The following TCIRG1 variants were observed in gnomAD, a reference collection of about 807,000 sequenced individuals.
The protein encoded by TCIRG1 is V-type proton ATPase 116 kDa subunit a 3.
In TCIRG1, 86 loss-of-function variants were observed where a neutral mutation model predicts 95.5. The observed-to-expected ratio is 0.90, with a 90% CI of 0.76 to 1.08. The LOEUF is 1.08. Among genes scored for constraint, TCIRG1 ranks in the 50% least tolerant of loss-of-function variants. The probability of loss-of-function intolerance (pLI) is 0.00; values close to 1 mark genes in which losing one functional copy is unlikely to be tolerated. For synonymous variants in TCIRG1, 499 were observed against 501.3 expected, an observed-to-expected ratio of 1.00 and a Z score of 0.06; for missense variants, 1,069 against 1,140.2, an observed-to-expected ratio of 0.94 and a Z score of 0.90.
intron 14 of TCIRG1, 26 bp downstream of exon 14, chr11:68,049,023 C>T (rs371083088): frequency 2.1e-5 from 34 of 1,612,704 alleles, no homozygotes; most frequent in South Asian, 3.3e-5. Flanking sequence ...GCCCGGGGGA[C>T]GGGAGGCTGG....
rs762940517 is a variant in TCIRG1, at chr11:68,050,511, T to C, written c.2261T>C (p.Met754Thr). The C allele has an allele frequency of 1.4e-5, 23 of 1,613,474 alleles. No individual in the cohort carries two copies. Among genetic ancestry groups the C allele is most frequent in the Admixed American group, 6.7e-5 (4 of 60,016 alleles). The change falls in exon 19 of 20, where the codon ATG (methionine) becomes ACG (threonine). Residue 754 changes from methionine (M) to threonine (T), a missense_variant. Coordinates refer to ENST00000265686, the MANE Select transcript of TCIRG1 (RefSeq NM_006019.4). Reference sequence around the variant, plus strand: ...GAGCTGTCCGAGGTTCTGTGGGCCATGGTGATGCGCATAGGCCTGGGCCTG... The same window carrying C: ...GAGCTGTCCGAGGTTCTGTGGGCCACGGTGATGCGCATAGGCCTGGGCCTG... ...HAQLSEVLWA[M>T]VMRIGLGLGR... is the part of the protein sequence containing the mutation.
chr11:68,041,665 G>T, intron 2 of TCIRG1, 88 bp from the exon 3 acceptor site: 1 of 1,144,238 alleles, frequency 8.7e-7, no homozygotes, highest in Admixed American at 2.0e-5. Flanking sequence ...GGCAGCTAAG[G>T]CCTGGGGAGA....
Position 68,050,005 on chromosome 11 carries a change from T to G in TCIRG1, c.2057T>G (p.Val686Gly), listed in dbSNP as rs1219714069. The G allele has an allele frequency of 4.3e-6, 7 of 1,613,044 alleles. No homozygotes were observed. The highest frequency in any genetic ancestry group is 8.5e-7 in the Non-Finnish European group (1 of 1,179,890). The change falls in exon 17 of 20, where the codon GTG (valine) becomes GGG (glycine). Residue 686 changes from valine to glycine, a missense_variant. Transcript: ENST00000265686. ...AGLLDLPDAS[V>G]NGWSSDEEKA... ...TTGCTGGACCTGCCTGACGCATCTG[T>G]GAATGGCTGGAGCTCCGATGAGGAA...
chr11:68,041,720 C>T (rs374307819), intron 2 of TCIRG1, 33 bp from the exon 3 acceptor site: 48 of 1,581,336 alleles, frequency 3.0e-5, no homozygotes, highest in African/African-American at 9.4e-5. Context: ...ACCCCCTTCC[C>T]GGGACACTCA....
chr11:68,051,041 GA>G, downstream of TCIRG1: 1 of 612,162 alleles, frequency 1.6e-6, no homozygotes, highest in Non-Finnish European at 2.9e-6. Flanking sequence ...AAAAGGGGCA[GA>G]AAAGGGCCAA....
rs139049989 is a variant in TCIRG1 at position 68,050,774 on chromosome 11, G to C, written c.2448G>C (p.Thr816=). Residue 816 remains threonine, a synonymous_variant, in exon 20 of 20, where the codon ACG becomes ACC. Transcript: ENST00000265686. ...TCCAGAACAAGTTCTACTCAGGCAC[G>C]GGCTACAAGCTGAGTCCCTTCACCT... ...VEFQNKFYSG[T]GYKLSPFTFA... 6.8e-6 allele frequency: 11 copies of C among 1,613,720 alleles called. No homozygotes were observed. In the Middle Eastern group the frequency reaches 8.2e-4, roughly 121 times the overall value.
Position 68,039,025 on chromosome 11 carries a change from A to G in TCIRG1, c.-99A>G, listed in dbSNP as rs993852798. ...GCCCGGAAAGGAGTGAGCGGCGCCTAGTCCCGGGCTGGCGGGAGTGCAGTT... is the reference window on the plus strand; with the variant it reads ...GCCCGGAAAGGAGTGAGCGGCGCCTGGTCCCGGGCTGGCGGGAGTGCAGTT... On this transcript the variant is annotated 5_prime_UTR_variant, in exon 1 of 20. Coordinates refer to ENST00000265686, the MANE Select transcript of TCIRG1 (RefSeq NM_006019.4). 1 of 152,172 alleles carries G rather than the reference A, an allele frequency of 6.6e-6. No individual in the cohort carries two copies. The allele number at this position is 152,172 out of a possible 1,614,324, so 9.4% of individuals were successfully genotyped here.
Position 68,044,175 on chromosome 11 carries a change from G to T in TCIRG1, c.851G>T (p.Arg284Leu). Reference sequence around the variant, plus strand: ...CGGTTCCTGAGCCAGGTGCTAGGCCGGGTGCTGCAGCTGCTGCCGCCAGGG... The same window carrying T: ...CGGTTCCTGAGCCAGGTGCTAGGCCTGGTGCTGCAGCTGCTGCCGCCAGGG... ...TERFLSQVLG[R>L]VLQLLPPGQV... Residue 284 changes from arginine (R) to leucine (L), a missense_variant, in exon 9 of 20, where the codon CGG becomes CTG. By Grantham distance (102) the Arg-to-Leu change is moderately radical (BLOSUM62 -2). Transcript: ENST00000265686. The T allele has an allele frequency of 1.3e-6, 2 of 1,553,770 alleles. No individual in the cohort carries two copies. Among genetic ancestry groups the T allele is most frequent in the East Asian group, 4.8e-5 (2 of 41,670 alleles).
intron 1 of TCIRG1, among the ~76,000 whole-genome samples, chr11:68,040,235 A>C (rs1327512157): frequency 6.6e-6 from 1 of 152,308 alleles, no homozygotes; most frequent in East Asian, 1.9e-4. Flanking sequence ...AGAGGGTGAG[A>C]GACTTGCCCA....
rs780311417 is a variant in TCIRG1 at position 68,050,177 on chromosome 11, CCAT to C, written c.2161_2163del (p.Ile721del). The C allele has an allele frequency of 3.1e-6, 5 of 1,613,712 alleles. No individual in the cohort carries two copies. Among genetic ancestry groups the C allele is most frequent in the African/African-American group, 1.3e-5 (1 of 75,058 alleles). On this transcript the variant is annotated inframe_deletion, in exon 18 of 20. Transcript: ENST00000265686. ...GTGCTCATGCACCAGGCCATCCACA[CCAT>C]CGAGTTCTGCCTGGGCTGCGTCTCC...
In TCIRG1 at chr11:68,050,168, C is replaced by G; in HGVS notation, c.2150C>G (p.Ala717Gly). The stretch of plus-strand genomic sequence containing the variant: ...CCCTCCGAGGTGCTCATGCACCAGG[C>G]CATCCACACCATCGAGTTCTGCCTG... ...LVPSEVLMHQAIHTIEFCLGC... is the reference protein window; with the variant it reads ...LVPSEVLMHQGIHTIEFCLGC... The change falls in exon 18 of 20, where the codon GCC becomes GGC. Residue 717 changes from alanine to glycine, a missense_variant. Physicochemically the swap from Ala to Gly is moderately conservative, Grantham distance 60 (BLOSUM62 0). Coordinates refer to ENST00000265686, the MANE Select transcript of TCIRG1 (RefSeq NM_006019.4). 1 of 1,613,584 alleles carries G rather than the reference C, an allele frequency of 6.2e-7. No homozygotes were observed. The highest frequency in any genetic ancestry group is 8.5e-7 in the Non-Finnish European group (1 of 1,179,916).
chr11:68,050,403 G>A, intron 18 of TCIRG1, 84 bp from the exon 19 acceptor site: 1 of 1,610,016 alleles, frequency 6.2e-7, no homozygotes, highest in Non-Finnish European at 8.5e-7. Flanking sequence ...CCCCGTGCAG[G>A]GAGGGCTTCA....
At chr11:68,044,830 A>G in intron 9 of TCIRG1, 128 bp from the exon 10 acceptor site, 2 of 1,176,700 alleles carry the variant, frequency 1.7e-6, no homozygotes, top group African/African-American at 1.5e-5. Context: ...CTCACGTCAG[A>G]GAGAGGGGAA....
chr11:68,040,616 G>A (rs1855110539), intron 1 of TCIRG1, among the ~76,000 whole-genome samples: 1 of 152,176 alleles, frequency 6.6e-6, no homozygotes, highest in Admixed American at 6.5e-5. Flanking sequence ...GGGCGGGTTG[G>A]AGGTGGCCTG....
rs1421877519 is a variant in TCIRG1, at chr11:68,049,269, G to A, written c.1862G>A (p.Ser621Asn). The A allele has an allele frequency of 6.2e-7, 1 of 1,612,200 alleles. No homozygotes were observed. Among genetic ancestry groups the A allele is most frequent in the Non-Finnish European group, 8.5e-7 (1 of 1,179,312 alleles). Residue 621 changes from serine to asparagine, a missense_variant, in exon 15 of 20, where the codon AGC (serine) becomes AAC (asparagine). Transcript: ENST00000265686. ...INMFLFSHSP[S>N]NRLLYPRQEV... ...ATGTTCCTCTTCTCCCACAGCCCCA[G>A]CAACAGGCTGCTCTACCCCCGGCAG...
At chr11:68,043,243 C>T (rs1403170224) in intron 5 of TCIRG1, 128 bp from the exon 6 acceptor site, 3 of 1,477,702 alleles carry the variant, frequency 2.0e-6, no homozygotes, top group Non-Finnish European at 2.7e-6. Context: ...TCCTGCCTTC[C>T]CCTGTGGGCA....
chr11:68,042,066 G>A (rs1464457082), intron 3 of TCIRG1, among the ~76,000 whole-genome samples: 7 of 152,042 alleles, frequency 4.6e-5, no homozygotes, highest in South Asian at 4.2e-4. Context: ...GGGAGGCCTC[G>A]AATACAGCAT....
chr11:68,039,510 C>T (rs1855060419), intron 1 of TCIRG1, among the ~76,000 whole-genome samples: 1 of 152,174 alleles, frequency 6.6e-6, no homozygotes, highest in African/African-American at 2.4e-5. Context: ...CAGACCCTCT[C>T]CTACTGCCTT....
intron 10 of TCIRG1, 23 bp from the exon 11 acceptor site, chr11:68,047,410 A>C: frequency 6.2e-7 from 1 of 1,613,426 alleles, no homozygotes; most frequent in South Asian, 1.1e-5. Flanking sequence ...GGGGGTTCCC[A>C]GCTCACCCAC....
Sources: gnomAD v4.1 joint callset for allele counts (sites outside exome capture counted in the v4.1 genomes callset) on GRCh38, gnomAD v4.1.1 for gene constraint, MANE v1.5 for transcripts, NCBI Gene and HGNC (gene_info 2026-07-23, HGNC 2026-07-21) for gene names.